Variants in AGBL1 observed in about 807,000 individuals in gnomAD.
AGBL1 encodes cytosolic carboxypeptidase 4.
A neutral mutation model predicts 118.9 loss-of-function variants in AGBL1; 130 were observed. The observed-to-expected ratio is 1.09, with a 90% confidence interval of 0.95 to 1.26. The LOEUF is 1.26. Ranked by LOEUF, AGBL1 falls within the 50% of genes most tolerant of loss-of-function variation. AGBL1 has a pLI of 0.00. For missense variants in AGBL1, 1,584 were observed against 1,298.1 expected, an observed-to-expected ratio of 1.22 and a Z score of -3.38; for synonymous variants, 555 against 478.9, an observed-to-expected ratio of 1.16 and a Z score of -2.08.
chr15:86,380,433 C>T (rs186517049), intron 17 of AGBL1, among the ~76,000 whole-genome samples: 2 of 151,724 alleles, frequency 1.3e-5, no homozygotes, highest in Non-Finnish European at 2.9e-5. Context: ...TACAGGCGTG[C>T]GCCACCTGAG....
At chr15:86,869,682 T>A (rs1426493651) in intron 22 of AGBL1, among the ~76,000 whole-genome samples, 1 of 152,086 alleles carries the variant, frequency 6.6e-6, no homozygotes, top group Non-Finnish European at 1.5e-5. Flanking sequence ...ATAGTAATGA[T>A]AAAATAACAA....
chr15:86,756,624 G>T (rs1196961683), intron 22 of AGBL1, among the ~76,000 whole-genome samples: 2 of 152,058 alleles, frequency 1.3e-5, no homozygotes, highest in African/African-American at 4.8e-5. Context: ...TTCTGAGGGT[G>T]AGAGAAGGAG....
Position 86,704,903 on chromosome 15 carries a change from C to A in AGBL1, c.3158+30467C>A, listed in dbSNP as rs138007570. The stretch of plus-strand genomic sequence containing the variant: ...AACTCAGATGCCCAACACTGATAGA[C>A]AAGATAAAGAAAATGTGGCACATAT... On this transcript the variant is annotated intron_variant, in intron 22 of 22. Coordinates refer to ENST00000614907, the MANE Select transcript of AGBL1 (RefSeq NM_001386094.1). Among the ~76,000 whole-genome samples, 1,232 of 152,186 alleles carry A rather than the reference C, an allele frequency of 8.1e-3. 38 individuals are homozygous for A. Among genetic ancestry groups the A allele is most frequent in the Admixed American group, 0.059 (906 of 15,286 alleles).
chr15:86,784,468 G>A (rs906358866), intron 22 of AGBL1, among the ~76,000 whole-genome samples: 11 of 152,160 alleles, frequency 7.2e-5, no homozygotes, highest in South Asian at 2.1e-4. Context: ...TGGGTAGCTC[G>A]TTATGAATGC....
At chr15:86,892,537 A>G (rs940530126) in intron 22 of AGBL1, among the ~76,000 whole-genome samples, 1 of 152,166 alleles carries the variant, frequency 6.6e-6, no homozygotes, top group African/African-American at 2.4e-5. Flanking sequence ...ATATTGGGAA[A>G]ATTATCTAAA....
At chr15:86,799,093 C>G in intron 22 of AGBL1, among the ~76,000 whole-genome samples, 1 of 151,908 alleles carries the variant, frequency 6.6e-6, no homozygotes, top group East Asian at 1.9e-4. Flanking sequence ...ATTCAAAGTC[C>G]TATCTAGTAA....
intron 18 of AGBL1, among the ~76,000 whole-genome samples, chr15:86,489,053 T>C (rs1280789760): frequency 6.6e-6 from 1 of 151,934 alleles, no homozygotes; most frequent in Non-Finnish European, 1.5e-5. Flanking sequence ...CTAACTAGTC[T>C]TCATAGCAGA....
chr15:86,553,861 TCTAA>T (rs1487989809), intron 20 of AGBL1, among the ~76,000 whole-genome samples: 1 of 126,466 alleles, frequency 7.9e-6, no homozygotes, highest in Non-Finnish European at 1.8e-5. Context: ...GCTATTTATT[TCTAA>T]CTTTTTTTTT....
chr15:86,701,694 C>T (rs1317501553), intron 22 of AGBL1, among the ~76,000 whole-genome samples: 1 of 127,700 alleles, frequency 7.8e-6, no homozygotes, highest in African/African-American at 2.9e-5. Context: ...CTCTTCTCTT[C>T]CTCCTCCCTT....
intron 7 of AGBL1, among the ~76,000 whole-genome samples, chr15:86,251,720 T>G (rs541840657): frequency 2.6e-5 from 4 of 152,098 alleles, no homozygotes; most frequent in African/African-American, 9.6e-5. Flanking sequence ...AAGGCTGAGA[T>G]CATAGTGCAG....
intron 22 of AGBL1, among the ~76,000 whole-genome samples, chr15:86,902,795 G>A (rs1166118509): frequency 6.6e-6 from 1 of 152,044 alleles, no homozygotes; most frequent in Non-Finnish European, 1.5e-5. Flanking sequence ...TTTCCCTATG[G>A]CATTGTTCCC....
chr15:86,764,618 T>C (rs982449644), intron 22 of AGBL1, among the ~76,000 whole-genome samples: 4 of 152,076 alleles, frequency 2.6e-5, no homozygotes, highest in Non-Finnish European at 4.4e-5. Context: ...AAAGGCGTTG[T>C]TTATGATCTA....
intron 21 of AGBL1, among the ~76,000 whole-genome samples, chr15:86,592,806 T>C (rs2084356171): frequency 6.6e-6 from 1 of 152,192 alleles, no homozygotes; most frequent in Admixed American, 6.5e-5. Flanking sequence ...CAGCTGTAAC[T>C]AATTATTATT....
chr15:86,170,167 G>T (rs2077394801), intron 5 of AGBL1, among the ~76,000 whole-genome samples: 2 of 152,120 alleles, frequency 1.3e-5, no homozygotes, highest in South Asian at 4.1e-4. Flanking sequence ...TGACACAGAA[G>T]ATATAAGAAA....
chr15:86,574,570 ATTTTTTTT>A (rs776642678), intron 21 of AGBL1, among the ~76,000 whole-genome samples: 2,067 of 83,888 alleles, frequency 0.025, 60 homozygotes, highest in African/African-American at 0.088. Flanking sequence ...AAAAGTTTTA[ATTTTTTTT>A]TTTTTTTTTT....
At chr15:86,638,942 G>C (rs984153013) in intron 21 of AGBL1, among the ~76,000 whole-genome samples, 1 of 152,054 alleles carries the variant, frequency 6.6e-6, no homozygotes, top group African/African-American at 2.4e-5. Context: ...CCACTTCCGA[G>C]TTCTCTCCGT....
chr15:86,645,601 C>A (rs2085264425), intron 21 of AGBL1, among the ~76,000 whole-genome samples: 2 of 152,040 alleles, frequency 1.3e-5, no homozygotes, highest in Admixed American at 1.3e-4. Context: ...ATGAAGGCCA[C>A]AAGGACACTG....
chr15:86,521,539 T>C (rs569997736), intron 18 of AGBL1, among the ~76,000 whole-genome samples: 1 of 152,256 alleles, frequency 6.6e-6, no homozygotes, highest in East Asian at 1.9e-4. Flanking sequence ...CTCAGGATGT[T>C]ATTGCAGCAA....
rs1165000649 is a variant in AGBL1 at position 86,912,445 on chromosome 15, G to A, written c.*5151G>A. The A allele has an allele frequency of 2.0e-5, 3 of 152,238 alleles. No homozygotes were observed. The highest frequency in any genetic ancestry group is 4.4e-5 in the Non-Finnish European group (3 of 68,060). 9.4% of individuals were successfully genotyped at this position (152,238 alleles called of 1,614,324 possible). On this transcript the variant is annotated 3_prime_UTR_variant, in exon 23 of 23. Coordinates refer to ENST00000614907, the MANE Select transcript of AGBL1 (RefSeq NM_001386094.1). ...GGATATCATGCCAACTTGGCTGCCT[G>A]GGCTCTCCTTGCAATCCCATCAATA...
Sources: gnomAD v4.1 joint callset for allele counts (sites outside exome capture counted in the v4.1 genomes callset) on GRCh38, gnomAD v4.1.1 for gene constraint, MANE v1.5 for transcripts, NCBI Gene and HGNC (gene_info 2026-07-23, HGNC 2026-07-21) for gene names.